Variants in PCSK1 observed in about 807,000 individuals in gnomAD.
PCSK1 encodes proprotein convertase subtilisin/kexin type 1.
Under a neutral mutation model 90.6 loss-of-function variants are expected in PCSK1, and 56 were observed. The ratio of observed to expected loss-of-function variants is 0.62; its 90% CI spans 0.50 to 0.77. The LOEUF is 0.77. Ranked by LOEUF, PCSK1 falls within the 30% of genes least tolerant of loss-of-function variation. PCSK1 has a pLI of 0.00. For missense variants in PCSK1, 801 were observed against 932.6 expected, an observed-to-expected ratio of 0.86 and a Z score of 1.84; for synonymous variants, 348 against 342.4, an observed-to-expected ratio of 1.02 and a Z score of -0.18.
intron 7 of PCSK1, among the ~76,000 whole-genome samples, chr5:96,411,309 A>G (rs977599390): frequency 1.3e-5 from 2 of 152,210 alleles, no homozygotes; most frequent in African/African-American, 2.4e-5. Context: ...ATGTCACTGC[A>G]CTTAAATCTT....
Position 96,423,388 on chromosome 5 carries a change from A to C in PCSK1, c.468T>G (p.Ile156Met). 2 of 1,614,020 alleles carry C rather than the reference A, an allele frequency of 1.2e-6. No homozygotes were observed. The highest frequency in any genetic ancestry group is 2.2e-5 in the South Asian group (2 of 91,066). Residue 156 changes from isoleucine (I) to methionine (M), a missense_variant, in exon 4 of 14, where the codon ATT becomes ATG. Physicochemically the swap from Ile to Met is conservative, Grantham distance 10. Transcript: ENST00000311106. ...CGGTGATAACAACTCCTTTGCCCGT[A>C]ATGCCTTTTTGCCAAACAGGTATCA... is the stretch of plus-strand genomic sequence containing the variant. ...LHVIPVWQKG[I>M]TGKGVVITVL... is the part of the protein sequence containing the mutation.
chr5:96,420,310 A>G (rs1197877173), intron 5 of PCSK1, among the ~76,000 whole-genome samples: 1 of 152,212 alleles, frequency 6.6e-6, no homozygotes, highest in African/African-American at 2.4e-5. Context: ...GCTGTGCCCC[A>G]AAAGAGTAGA....
At chr5:96,430,011 G>T (rs1761442380) in intron 1 of PCSK1, among the ~76,000 whole-genome samples, 1 of 152,170 alleles carries the variant, frequency 6.6e-6, no homozygotes, top group African/African-American at 2.4e-5. Context: ...ACTATCTATG[G>T]TCAGTGCCAC....
intron 11 of PCSK1, 94 bp from the exon 12 acceptor site, chr5:96,397,563 A>G (rs1760202136): frequency 4.2e-6 from 5 of 1,181,710 alleles, no homozygotes; most frequent in Non-Finnish European, 6.3e-6. Context: ...GCTGAAAAAG[A>G]TGAGTTCTCC....
At chr5:96,395,241 T>C (rs1407363400) in intron 12 of PCSK1, among the ~76,000 whole-genome samples, 3 of 152,228 alleles carry the variant, frequency 2.0e-5, no homozygotes, top group Non-Finnish European at 4.4e-5. Context: ...AAACATTTAA[T>C]TTAAAAATCA....
At chr5:96,416,750 T>C (rs972102457) in intron 5 of PCSK1, among the ~76,000 whole-genome samples, 1 of 152,204 alleles carries the variant, frequency 6.6e-6, no homozygotes, top group Non-Finnish European at 1.5e-5. Context: ...GCCAAGATGC[T>C]CCTGAAATCC....
intron 13 of PCSK1, among the ~76,000 whole-genome samples, chr5:96,394,195 C>T (rs1760051925): frequency 6.6e-6 from 1 of 152,202 alleles, no homozygotes; most frequent in African/African-American, 2.4e-5. Context: ...CTACCTATTA[C>T]ACCTGAGGCA....
At chr5:96,425,008 A>AAAGG (rs1554059749) in intron 3 of PCSK1, among the ~76,000 whole-genome samples, 3 of 117,478 alleles carry the variant, frequency 2.6e-5, no homozygotes, top group African/African-American at 9.9e-5. Context: ...AGAAAGAAAG[A>AAAGG]AAAGAAAGAA....
In PCSK1 at chr5:96,429,119, A is replaced by C. The variant is rs1322115538; in HGVS notation, c.285+94T>G. ...CAATCTTGGTCACAATAAAAAAAAA[A>C]CCACATTTGCAAAATGCTTCTGTTT... On this transcript the variant is annotated intron_variant, in intron 2 of 13. Transcript: ENST00000311106. 4 of 733,234 alleles carry C rather than the reference A, an allele frequency of 5.5e-6. 1 individual carries two copies. Among genetic ancestry groups the C allele is most frequent in the South Asian group, 4.7e-5 (3 of 63,980 alleles). 45.4% of individuals were successfully genotyped at this position (733,234 alleles called of 1,614,324 possible). A position where few individuals can be genotyped will look rare whatever the true frequency, so the allele number is the denominator to read the frequency against.
rs1482910319 is a variant in PCSK1, at chr5:96,393,221, G to C, written c.2042C>G (p.Pro681Arg). 6.2e-7 allele frequency: 1 copy of C among 1,614,026 alleles called. No individual in the cohort carries two copies. The highest frequency in any genetic ancestry group is 2.2e-5 in the East Asian group (1 of 44,866). Residue 681 changes from proline to arginine, a missense_variant, in exon 14 of 14, where the codon CCA (proline) becomes CGA (arginine). Transcript: ENST00000311106. ...TGGGGACTTCTTTGGTGATTGCTTTGGCGGTGAGTTTTTACTGAAAGCACT... is the reference window on the plus strand; with the variant it reads ...TGGGGACTTCTTTGGTGATTGCTTTCGCGGTGAGTTTTTACTGAAAGCACT... ...LQSAFSKNSPPKQSPKKSPSA... is the reference protein window; with the variant it reads ...LQSAFSKNSPRKQSPKKSPSA...
chr5:96,400,225 A>G (rs923923712), intron 9 of PCSK1, 39 bp from the exon 10 acceptor site: 1 of 1,466,118 alleles, frequency 6.8e-7, no homozygotes, highest in Non-Finnish European at 9.6e-7. Flanking sequence ...TCAGAGAAAA[A>G]TGAAGTTTCC....
intron 11 of PCSK1, among the ~76,000 whole-genome samples, chr5:96,398,068 C>CT (rs1161972616): frequency 6.6e-6 from 1 of 152,054 alleles, no homozygotes; most frequent in Non-Finnish European, 1.5e-5. Context: ...GATAATAGTT[C>CT]TATGTGGAAG....
chr5:96,402,152 A>G (rs1760398569), intron 9 of PCSK1, among the ~76,000 whole-genome samples: 1 of 152,128 alleles, frequency 6.6e-6, no homozygotes, highest in African/African-American at 2.4e-5. Context: ...ATCCCCTGTG[A>G]CAAGAAAGAG....
chr5:96,410,533 C>A (rs1760719149), intron 8 of PCSK1, among the ~76,000 whole-genome samples: 1 of 151,968 alleles, frequency 6.6e-6, no homozygotes, highest in Non-Finnish European at 1.5e-5. Context: ...GGTTTGGTGG[C>A]TTCTCAAGGC....
chr5:96,407,004 T>A (rs375168093), intron 9 of PCSK1, among the ~76,000 whole-genome samples: 1 of 152,188 alleles, frequency 6.6e-6, no homozygotes, highest in Non-Finnish European at 1.5e-5. Flanking sequence ...AAAAAAAAGT[T>A]AAATCTTTTT....
intron 5 of PCSK1, among the ~76,000 whole-genome samples, chr5:96,419,941 A>G (rs1213474744): frequency 2.0e-5 from 3 of 152,054 alleles, no homozygotes; most frequent in Non-Finnish European, 4.4e-5. Context: ...CCATCGTACA[A>G]GTTATCACCC....
chr5:96,422,070 C>T, intron 4 of PCSK1, 114 bp from the exon 5 acceptor site: 1 of 707,448 alleles, frequency 1.4e-6, no homozygotes, highest in South Asian at 1.6e-5. Context: ...TGGCTGATAG[C>T]TCAAAAGCCT....
In PCSK1 at chr5:96,399,942, G is replaced by T; in HGVS notation, c.1430+11C>A. On this transcript the variant is annotated intron_variant, in intron 10 of 13. Transcript: ENST00000311106. ...GGCACACATGTGTTTAAAATTCCAG[G>T]AGATACTTACCTGGGCTCAAAGTCA... The T allele has an allele frequency of 6.3e-7, 1 of 1,593,094 alleles. No individual in the cohort carries two copies. Among genetic ancestry groups the T allele is most frequent in the Non-Finnish European group, 8.6e-7 (1 of 1,161,032 alleles).
At position 96,412,498 on chromosome 5, in the gene PCSK1, A is replaced by C. The variant is rs1760788075; in HGVS notation, c.710-8T>G. 2 of 1,612,994 alleles carry C rather than the reference A, an allele frequency of 1.2e-6. No homozygotes were observed. The highest frequency in any genetic ancestry group is 3.3e-5 in the Admixed American group (2 of 60,018). On this transcript the variant is annotated splice_region_variant and splice_polypyrimidine_tract_variant and intron_variant, in intron 6 of 13. Transcript: ENST00000311106. ...CATCCAGCATTCTTATGCCTGAGAA[A>C]CAAAATAAACAAAGACACACAAAGG...
Sources: allele counts gnomAD v4.1 joint callset (sites outside exome capture counted in the v4.1 genomes callset), GRCh38; gene constraint gnomAD v4.1.1; transcripts MANE v1.5; gene names NCBI Gene and HGNC (gene_info 2026-07-23, HGNC 2026-07-21).